Variants in SNTG1 observed in about 807,000 individuals in gnomAD.
SNTG1 encodes syntrophin gamma 1.
Under a neutral mutation model 74.7 loss-of-function variants are expected in SNTG1, and 39 were observed. The ratio of observed to expected loss-of-function variants is 0.52; its 90% CI spans 0.40 to 0.68. The LOEUF (loss-of-function observed/expected upper bound fraction) is 0.68, where lower values mean the gene tolerates loss of function less well. Among genes scored for constraint, SNTG1 ranks in the 30% least tolerant of loss-of-function variants. The pLI, the probability that SNTG1 is intolerant of heterozygous loss-of-function variation, is 0.00. For synonymous variants in SNTG1, 254 were observed against 217.1 expected, an observed-to-expected ratio of 1.17 and a Z score of -1.49; for missense variants, 685 against 609.5, an observed-to-expected ratio of 1.12 and a Z score of -1.30.
chr8:50,630,480 G>GTAGT (rs2131104686), intron 13 of SNTG1, among the ~76,000 whole-genome samples: 1 of 152,302 alleles, frequency 6.6e-6, no homozygotes, highest in South Asian at 2.1e-4. Context: ...AATGTCCTCA[G>GTAGT]TAGTTGAGCT....
chr8:50,267,909 C>T (rs1245463981), intron 2 of SNTG1, among the ~76,000 whole-genome samples: 3 of 152,088 alleles, frequency 2.0e-5, no homozygotes, highest in African/African-American at 7.2e-5. Context: ...TACATGCTCA[C>T]CACTTTTATT....
At chr8:50,189,089 A>G (rs961170400) in intron 2 of SNTG1, among the ~76,000 whole-genome samples, 4 of 152,132 alleles carry the variant, frequency 2.6e-5, no homozygotes, top group African/African-American at 7.2e-5. Flanking sequence ...TCTCACAGGA[A>G]TAGCACAAAG....
At chr8:50,359,763 A>G (rs2091910129) in intron 2 of SNTG1, among the ~76,000 whole-genome samples, 1 of 152,138 alleles carries the variant, frequency 6.6e-6, no homozygotes, top group South Asian at 2.1e-4. Context: ...AAGGTAGAAA[A>G]CTTTAAGGAT....
chr8:50,727,317 C>A (rs988232392), intron 17 of SNTG1, among the ~76,000 whole-genome samples: 1 of 152,150 alleles, frequency 6.6e-6, no homozygotes, highest in African/African-American at 2.4e-5. Flanking sequence ...GATGAAAATT[C>A]ACTTCAAATA....
chr8:50,159,024 T>C (rs2082334947), intron 1 of SNTG1, among the ~76,000 whole-genome samples: 1 of 152,168 alleles, frequency 6.6e-6, no homozygotes, highest in South Asian at 2.1e-4. Flanking sequence ...GAATAACGTG[T>C]TGTGAACGGA....
At chr8:50,638,632 C>T (rs1332935699) in intron 13 of SNTG1, among the ~76,000 whole-genome samples, 1 of 152,008 alleles carries the variant, frequency 6.6e-6, no homozygotes, top group Non-Finnish European at 1.5e-5. Context: ...AAAGCAGTTA[C>T]TTTTGAGGTT....
At chr8:50,781,313 C>T (rs1007352016) in intron 18 of SNTG1, among the ~76,000 whole-genome samples, 18 of 152,218 alleles carry the variant, frequency 1.2e-4, no homozygotes, top group African/African-American at 4.1e-4. Flanking sequence ...GTGTTAAAGT[C>T]TCCCATTATT....
intron 2 of SNTG1, among the ~76,000 whole-genome samples, chr8:50,330,204 GT>G (rs1587161286): frequency 6.6e-6 from 1 of 152,088 alleles, no homozygotes; most frequent in Non-Finnish European, 1.5e-5. Context: ...GAGATCTGAT[GT>G]TTTTATAAGG....
chr8:50,082,416 T>C (rs1822494526), intron 1 of SNTG1, among the ~76,000 whole-genome samples: 2 of 152,212 alleles, frequency 1.3e-5, no homozygotes, highest in South Asian at 4.1e-4. Context: ...GTTGTCTTGT[T>C]TGGTTGTTTA....
intron 1 of SNTG1, among the ~76,000 whole-genome samples, chr8:49,917,684 C>T (rs1401772693): frequency 2.6e-5 from 4 of 152,184 alleles, no homozygotes; most frequent in Non-Finnish European, 5.9e-5. Context: ...ACATACTATC[C>T]TCATCACCAC....
intron 8 of SNTG1, among the ~76,000 whole-genome samples, chr8:50,470,845 G>A (rs562196311): frequency 1.3e-5 from 2 of 152,266 alleles, no homozygotes; most frequent in African/African-American, 2.4e-5. Context: ...GGTTGCTGCA[G>A]GGGGCTCTGG....
intron 12 of SNTG1, among the ~76,000 whole-genome samples, chr8:50,573,043 A>AAAT (rs1452684209): frequency 3.3e-5 from 5 of 152,132 alleles, no homozygotes; most frequent in African/African-American, 1.2e-4. Flanking sequence ...GGAAATTAAA[A>AAAT]AATTGGTATC....
intron 1 of SNTG1, among the ~76,000 whole-genome samples, chr8:50,001,863 A>AGTGTCTTCTTCTC (rs1409887680): frequency 6.6e-6 from 1 of 152,164 alleles, no homozygotes; most frequent in Non-Finnish European, 1.5e-5. Flanking sequence ...TGATTTATAC[A>AGTGTCTTCTTCTC]ACCTTCTTAG....
In SNTG1 at chr8:50,401,345, T is replaced by A. The variant is rs144216928; in HGVS notation, c.28-865T>A. On this transcript the variant is annotated intron_variant, in intron 3 of 18. Transcript: ENST00000642720. Reference sequence around the variant, plus strand: ...GGGAGAATATTTATATTAATCCAGGTTAATATATGTATTCTGGATAAATGA... The same window carrying A: ...GGGAGAATATTTATATTAATCCAGGATAATATATGTATTCTGGATAAATGA... Among the ~76,000 whole-genome samples the A allele has an allele frequency of 1.9e-3, 293 of 152,296 alleles. 3 individuals carry two copies. Among genetic ancestry groups the A allele is most frequent in the African/African-American group, 6.7e-3 (279 of 41,558 alleles).
chr8:50,373,700 A>G (rs755181488), intron 2 of SNTG1, among the ~76,000 whole-genome samples: 1 of 152,218 alleles, frequency 6.6e-6, no homozygotes, highest in African/African-American at 2.4e-5. Flanking sequence ...ATTGGAAGAT[A>G]TATTTGAAGA....
rs114059286 is a variant in SNTG1, at chr8:50,047,950, G to A, written c.-102-124611G>A. 4.9e-3 allele frequency among the ~76,000 whole-genome samples: 741 copies of A among 152,098 alleles called. 7 individuals are homozygous for A. Among genetic ancestry groups the A allele is most frequent in the African/African-American group, 0.016 (661 of 41,500 alleles). ...TTAAGTTTTTTCTGCTTTAAAATTC[G>A]ATAATCATACTAATTTCAAGGTATT... On this transcript the variant is annotated intron_variant, in intron 1 of 18. Coordinates refer to ENST00000642720, the MANE Select transcript of SNTG1 (RefSeq NM_018967.5).
chr8:50,606,914 C>G (rs556403671), intron 13 of SNTG1, among the ~76,000 whole-genome samples: 1 of 151,682 alleles, frequency 6.6e-6, no homozygotes, highest in East Asian at 1.9e-4. Flanking sequence ...TTGAATTTTG[C>G]GAATATATCC....
At chr8:50,196,944 G>A (rs371905608) in intron 2 of SNTG1, among the ~76,000 whole-genome samples, 5 of 151,812 alleles carry the variant, frequency 3.3e-5, no homozygotes, top group South Asian at 2.1e-4. Flanking sequence ...ATCATGCCAC[G>A]GCACTCCAGC....
At chr8:50,023,857 G>A (rs151139403) in intron 1 of SNTG1, among the ~76,000 whole-genome samples, 3 of 152,238 alleles carry the variant, frequency 2.0e-5, no homozygotes, top group African/African-American at 4.8e-5. Flanking sequence ...CATGAAACAG[G>A]AGCCTCCATC....
Sources: allele counts gnomAD v4.1 joint callset (sites outside exome capture counted in the v4.1 genomes callset), GRCh38; gene constraint gnomAD v4.1.1; transcripts MANE v1.5; gene names NCBI Gene and HGNC (gene_info 2026-07-23, HGNC 2026-07-21).